Variants in GRM7 observed in about 807,000 individuals in gnomAD.
The protein encoded by GRM7 is glutamate metabotropic receptor 7, also known as metabotropic glutamate receptor 7.
GRM7 carries 35 observed loss-of-function variants against 84.5 expected under a neutral mutation model. The observed-to-expected ratio is 0.41, with a 90% CI of 0.32 to 0.55. The LOEUF is 0.55. GRM7 is among the 20% of genes least tolerant of loss of function. The pLI, the probability that GRM7 is intolerant of heterozygous loss-of-function variation, is 0.19. For missense variants in GRM7, 1,003 were observed against 1,194.6 expected (o/e 0.84, Z 2.36); for synonymous variants, 487 against 455.1 (o/e 1.07, Z -0.89).
At chr3:7,046,198 A>T (rs1395228679) in intron 1 of GRM7, among the ~76,000 whole-genome samples, 1 of 152,106 alleles carries the variant, frequency 6.6e-6, no homozygotes, top group African/African-American at 2.4e-5. Context: ...TTCTGTGTCT[A>T]TTCAGTAATT....
intron 4 of GRM7, among the ~76,000 whole-genome samples, chr3:7,398,349 T>C (rs1217687703): frequency 6.6e-6 from 1 of 152,120 alleles, no homozygotes; most frequent in Non-Finnish European, 1.5e-5. Flanking sequence ...ATAGAGAACA[T>C]AGCAGTACAA....
At position 7,723,850 on chromosome 3, in the gene GRM7, A is replaced by G. The variant is rs377271058; in HGVS notation, c.2699-16507A>G. Among the ~76,000 whole-genome samples, 207 of 152,198 alleles carry G rather than the reference A, an allele frequency of 1.4e-3. 1 individual carries two copies. Among genetic ancestry groups the G allele is most frequent in the South Asian group, 4.6e-3 (22 of 4,814 alleles). ...CAACAGAGTGAGAGCACCCCACCCC[A>G]AAAACATTTTTTTAATAAAAAATAA... is the stretch of plus-strand genomic sequence containing the variant. On this transcript the variant is annotated intron_variant, in intron 9 of 9. Transcript: ENST00000357716.
At chr3:7,176,034 T>A (rs1187493504) in intron 2 of GRM7, among the ~76,000 whole-genome samples, 2 of 151,988 alleles carry the variant, frequency 1.3e-5, no homozygotes, top group African/African-American at 4.8e-5. Context: ...TTCATGTGAT[T>A]TCTAATTTTG....
intron 1 of GRM7, among the ~76,000 whole-genome samples, chr3:7,042,251 G>C (rs1402860004): frequency 6.6e-6 from 1 of 152,018 alleles, no homozygotes; most frequent in African/African-American, 2.4e-5. Flanking sequence ...CATAGGAATT[G>C]AATTGGAGGA....
At chr3:7,450,625 T>C (rs1697726049) in intron 5 of GRM7, among the ~76,000 whole-genome samples, 1 of 152,098 alleles carries the variant, frequency 6.6e-6, no homozygotes, top group Non-Finnish European at 1.5e-5. Context: ...AGAAAGGAAG[T>C]AGAGATTTAA....
intron 1 of GRM7, among the ~76,000 whole-genome samples, chr3:6,889,715 T>G (rs1369595365): frequency 6.6e-6 from 1 of 152,110 alleles, no homozygotes; most frequent in Admixed American, 6.6e-5. Context: ...TGTCTCTGCC[T>G]GGCTTTGGTA....
chr3:7,229,759 A>ATTTTTTTT (rs1200808989), intron 2 of GRM7, among the ~76,000 whole-genome samples: 8 of 30,420 alleles, frequency 2.6e-4, no homozygotes, highest in African/African-American at 1.0e-3. Flanking sequence ...ATATATATAT[A>ATTTTTTTT]TTTTTTTTTT....
At chr3:6,955,091 T>C (rs1406568337) in intron 1 of GRM7, among the ~76,000 whole-genome samples, 1 of 152,254 alleles carries the variant, frequency 6.6e-6, no homozygotes, top group Admixed American at 6.5e-5. Context: ...ACTTCATTTA[T>C]AGTATCTGTC....
intron 3 of GRM7, among the ~76,000 whole-genome samples, chr3:7,303,284 A>G (rs1477599438): frequency 2.6e-5 from 4 of 152,142 alleles, no homozygotes; most frequent in Non-Finnish European, 5.9e-5. Flanking sequence ...AAAAAAACTA[A>G]AATATGACTA....
chr3:7,424,257 A>G (rs7642333), intron 5 of GRM7, among the ~76,000 whole-genome samples: 4,623 of 152,068 alleles, frequency 0.03, 247 homozygotes, highest in African/African-American at 0.11. Context: ...GTCTTTGTTG[A>G]TAGTGGTGAT....
At chr3:6,905,319 G>T (rs552462103) in intron 1 of GRM7, among the ~76,000 whole-genome samples, 1 of 152,142 alleles carries the variant, frequency 6.6e-6, no homozygotes, top group African/African-American at 2.4e-5. Context: ...TGTACCATTT[G>T]TTATATGAAG....
chr3:6,913,987 C>T (rs1225781460), intron 1 of GRM7, among the ~76,000 whole-genome samples: 1 of 152,104 alleles, frequency 6.6e-6, no homozygotes, highest in Non-Finnish European at 1.5e-5. Flanking sequence ...CATTATAACT[C>T]CTCATTTATT....
intron 7 of GRM7, among the ~76,000 whole-genome samples, chr3:7,501,686 A>G (rs1207198269): frequency 1.3e-5 from 2 of 152,176 alleles, no homozygotes; most frequent in African/African-American, 4.8e-5. Context: ...ATTTACCATG[A>G]TTCCTATAGG....
intron 1 of GRM7, among the ~76,000 whole-genome samples, chr3:6,923,644 A>T (rs6779549): frequency 0.03 from 4,581 of 152,232 alleles, 235 homozygotes; most frequent in African/African-American, 0.1. Flanking sequence ...GGACTGACAG[A>T]TGGAATGGTT....
At chr3:7,174,396 C>G (rs563211025) in intron 2 of GRM7, among the ~76,000 whole-genome samples, 6 of 152,288 alleles carry the variant, frequency 3.9e-5, no homozygotes, top group Non-Finnish European at 8.8e-5. Context: ...GACAGAGACA[C>G]ATTTAAAATA....
intron 4 of GRM7, among the ~76,000 whole-genome samples, chr3:7,364,794 C>T (rs1281132709): frequency 6.6e-6 from 1 of 151,810 alleles, no homozygotes; most frequent in African/African-American, 2.4e-5. Context: ...ATTTTTAATG[C>T]AAGTGCTTAT....
chr3:7,086,787 A>G (rs917249905), intron 1 of GRM7, among the ~76,000 whole-genome samples: 4 of 152,264 alleles, frequency 2.6e-5, no homozygotes, highest in African/African-American at 9.6e-5. Context: ...CAGTTGCTTA[A>G]GAAAAAGATA....
At chr3:6,995,451 G>T (rs1316005523) in intron 1 of GRM7, among the ~76,000 whole-genome samples, 2 of 152,196 alleles carry the variant, frequency 1.3e-5, no homozygotes, top group Non-Finnish European at 2.9e-5. Flanking sequence ...AACCTCTGAG[G>T]TGTTGAGGTT....
rs149997917 is a variant in GRM7, at chr3:7,572,453, C to G, written c.1516-5969C>G. ...GGGAAGTCTCATCCATCTAGGATCCCCTGGGGCTTTGCAGTGAAATACAGT... is the reference window on the plus strand; with the variant it reads ...GGGAAGTCTCATCCATCTAGGATCCGCTGGGGCTTTGCAGTGAAATACAGT... On this transcript the variant is annotated intron_variant, in intron 7 of 9. Transcript: ENST00000357716. Among the ~76,000 whole-genome samples the G allele has an allele frequency of 2.6e-5, 4 of 152,090 alleles. No individual in the cohort carries two copies. The East Asian group carries it at 5.8e-4, about 22-fold the overall frequency.
Sources: gnomAD v4.1 joint callset for allele counts (sites outside exome capture counted in the v4.1 genomes callset) on GRCh38, gnomAD v4.1.1 for gene constraint, MANE v1.5 for transcripts, NCBI Gene and HGNC (gene_info 2026-07-23, HGNC 2026-07-21) for gene names.